Variants in OTOGL observed in about 807,000 individuals in gnomAD.
OTOGL encodes the protein otogelin-like protein.
Under a neutral mutation model 318.5 loss-of-function variants are expected in OTOGL, and 285 were observed. The observed-to-expected ratio is 0.89, with a 90% CI of 0.81 to 0.99. The LOEUF (loss-of-function observed/expected upper bound fraction) is 0.99, where lower values mean the gene tolerates loss of function less well. Ranked by LOEUF, OTOGL falls within the 50% of genes least tolerant of loss-of-function variation. The pLI is 0.00. For synonymous variants in OTOGL, 987 were observed against 936.5 expected (o/e 1.05, Z -0.99); for missense variants, 2,899 against 2,845.6 (o/e 1.02, Z -0.43).
At chr12:80,114,462 G>A (rs1398266572) in intron 1 of OTOGL, among the ~76,000 whole-genome samples, 1 of 152,150 alleles carries the variant, frequency 6.6e-6, no homozygotes, top group Non-Finnish European at 1.5e-5. Flanking sequence ...CTGGCTTGTA[G>A]GGTTTCTGCC....
At chr12:80,196,639 G>A (rs367981593) in intron 1 of OTOGL, among the ~76,000 whole-genome samples, 1 of 152,266 alleles carries the variant, frequency 6.6e-6, no homozygotes, top group Admixed American at 6.5e-5. Context: ...CTCTGCTGCA[G>A]GTGTCTGCTC....
chr12:80,252,269 A>G (rs1881637160), intron 13 of OTOGL, 68 bp downstream of exon 13: 10 of 1,438,666 alleles, frequency 7.0e-6, no homozygotes, highest in Middle Eastern at 3.6e-4. Context: ...TAAGGATCAC[A>G]TCTTCGTTTT....
chr12:80,296,360 T>A (rs1195435115), intron 26 of OTOGL, among the ~76,000 whole-genome samples: 6 of 152,210 alleles, frequency 3.9e-5, no homozygotes, highest in African/African-American at 1.4e-4. Flanking sequence ...TCTCAAATAA[T>A]ACACATTATT....
intron 9 of OTOGL, among the ~76,000 whole-genome samples, chr12:80,237,930 A>C (rs1450554760): frequency 6.6e-6 from 1 of 152,156 alleles, no homozygotes; most frequent in Non-Finnish European, 1.5e-5. Context: ...TCCAACCTCA[A>C]ATCTGAAGTC....
At chr12:80,178,184 C>G (rs571498729) in intron 1 of OTOGL, among the ~76,000 whole-genome samples, 226 of 151,082 alleles carry the variant, frequency 1.5e-3, no homozygotes, top group African/African-American at 5.2e-3. Flanking sequence ...CCTCAGCCAC[C>G]CAAGTAGCTG....
At chr12:80,332,265 T>A (rs113765387) in intron 37 of OTOGL, among the ~76,000 whole-genome samples, 10 of 152,224 alleles carry the variant, frequency 6.6e-5, no homozygotes, top group African/African-American at 2.4e-4. Context: ...GGTGTTGTTT[T>A]AAGCCACTAA....
chr12:80,251,898 A>G, intron 12 of OTOGL, 99 bp downstream of exon 12: 1 of 1,227,476 alleles, frequency 8.1e-7, no homozygotes, highest in Admixed American at 2.9e-5. Flanking sequence ...AATGAATTGC[A>G]AGGATTTGTT....
rs375911418 is a variant in OTOGL at position 80,258,575 on chromosome 12, A to G, written c.1889+573A>G. On this transcript the variant is annotated intron_variant, in intron 18 of 58. Coordinates refer to ENST00000547103, the MANE Select transcript of OTOGL (RefSeq NM_001378609.3). ...CCCTTGTATTGACCAGGTACTTTTC[A>G]CCTACGTGTGAAAAGAAGCAGTTTA... Among the ~76,000 whole-genome samples, 4 of 152,128 alleles carry G rather than the reference A, an allele frequency of 2.6e-5. No homozygotes were observed. The East Asian group carries it at 5.8e-4, about 22-fold the overall frequency.
chr12:80,262,551 G>A (rs1418570382), intron 19 of OTOGL, among the ~76,000 whole-genome samples: 1 of 152,070 alleles, frequency 6.6e-6, no homozygotes, highest in African/African-American at 2.4e-5. Flanking sequence ...TAAGCAGGAA[G>A]CCAGTGATCC....
At chr12:80,307,707 A>G (rs1367062351) in intron 29 of OTOGL, among the ~76,000 whole-genome samples, 1 of 135,196 alleles carries the variant, frequency 7.4e-6, no homozygotes, top group African/African-American at 2.8e-5. Context: ...GGCGCCCCTC[A>G]CTTCCCGGAC....
chr12:80,217,646 G>T lies in OTOGL; in HGVS notation c.217G>T (p.Gly73Cys). 1 of 1,550,300 alleles carries T rather than the reference G, an allele frequency of 6.5e-7. No individual in the cohort carries two copies. Among genetic ancestry groups the T allele is most frequent in the Non-Finnish European group, 8.7e-7 (1 of 1,145,540 alleles). ...CTTTTTCCATGATGCTATTAATTGG[G>T]GTGAGAGCAAAATAAAAGGTCAGTG... ...RYFFHDAINW[G>C]ESKIKGSCPY... The change falls in exon 5 of 59, where the codon GGT becomes TGT. Residue 73 changes from glycine (G) to cysteine (C), a missense_variant. By Grantham distance (159) the Gly-to-Cys change is radical. Transcript: ENST00000547103.
At chr12:80,155,704 G>A (rs1873070627) in intron 1 of OTOGL, among the ~76,000 whole-genome samples, 1 of 152,152 alleles carries the variant, frequency 6.6e-6, no homozygotes, top group East Asian at 1.9e-4. Context: ...TCACATACTA[G>A]GTGTTATTTA....
In OTOGL at chr12:80,209,520, C is replaced by CA; in HGVS notation, c.79+11dup. The CA allele has an allele frequency of 4.2e-6, 6 of 1,430,180 alleles. No homozygotes were observed. Among genetic ancestry groups the CA allele is most frequent in the Non-Finnish European group, 5.7e-6 (6 of 1,058,650 alleles). 88.6% of individuals were successfully genotyped at this position (1,430,180 alleles called of 1,614,324 possible). ...CTGTTTTCATTACAAGGTAAGAACT[C>CA]AGATTAAATTTTTATGTTAATTTAT... On this transcript the variant is annotated intron_variant, in intron 2 of 58. Coordinates refer to ENST00000547103, the MANE Select transcript of OTOGL (RefSeq NM_001378609.3).
intron 42 of OTOGL, among the ~76,000 whole-genome samples, chr12:80,337,654 T>TTCTAA (rs1888499288): frequency 1.3e-5 from 2 of 152,052 alleles, no homozygotes; most frequent in African/African-American, 4.8e-5. Flanking sequence ...CTTCACTCAG[T>TTCTAA]TCTAAGTTAT....
At chr12:80,257,236 T>C (rs1424789536) in intron 17 of OTOGL, among the ~76,000 whole-genome samples, 1 of 152,032 alleles carries the variant, frequency 6.6e-6, no homozygotes, top group Non-Finnish European at 1.5e-5. Context: ...TGACCATTTT[T>C]ATGTACAAAG....
chr12:80,128,512 G>A (rs888758736), intron 1 of OTOGL, among the ~76,000 whole-genome samples: 6 of 152,198 alleles, frequency 3.9e-5, no homozygotes, highest in Admixed American at 6.5e-5. Context: ...GAGGCAGTCT[G>A]CCTGTTCTCA....
chr12:80,227,441 T>C (rs1233475308), intron 7 of OTOGL, among the ~76,000 whole-genome samples: 1 of 152,186 alleles, frequency 6.6e-6, no homozygotes, highest in Non-Finnish European at 1.5e-5. Flanking sequence ...ATGTCTTTCA[T>C]GTCGCAGACT....
rs548292853 is a variant in OTOGL, at chr12:80,380,262, G to T, written c.*2214G>T. 2 of 151,814 alleles carry T rather than the reference G, an allele frequency of 1.3e-5. No individual in the cohort carries two copies. Among genetic ancestry groups the T allele is most frequent in the Non-Finnish European group, 2.9e-5 (2 of 67,862 alleles). 9.4% of individuals were successfully genotyped at this position (151,814 alleles called of 1,614,324 possible). A position where few individuals can be genotyped will look rare whatever the true frequency, so the allele number is the denominator to read the frequency against. Reference sequence around the variant, plus strand: ...CAGTATCCAGATACCCCAAATAAATGATTCATAGATTTAACAGTTAGAAAA... The same window carrying T: ...CAGTATCCAGATACCCCAAATAAATTATTCATAGATTTAACAGTTAGAAAA... On this transcript the variant is annotated 3_prime_UTR_variant, in exon 59 of 59. Coordinates refer to ENST00000547103, the MANE Select transcript of OTOGL (RefSeq NM_001378609.3).
intron 1 of OTOGL, among the ~76,000 whole-genome samples, chr12:80,144,090 T>A (rs891225287): frequency 6.6e-6 from 1 of 151,766 alleles, no homozygotes; most frequent in African/African-American, 2.4e-5. Flanking sequence ...AGTTTTAGGG[T>A]ACTTGTGCAC....
Sources: allele counts gnomAD v4.1 joint callset (sites outside exome capture counted in the v4.1 genomes callset), GRCh38; gene constraint gnomAD v4.1.1; transcripts MANE v1.5; gene names NCBI Gene and HGNC (gene_info 2026-07-23, HGNC 2026-07-21).